The following ARHGAP39 variants were observed in gnomAD, a reference collection of about 807,000 sequenced individuals.
The protein encoded by ARHGAP39 is Rho GTPase activating protein 39.
In ARHGAP39, 44 loss-of-function variants were observed where a neutral mutation model predicts 106.9. The observed-to-expected ratio is 0.41, with a 90% CI of 0.32 to 0.53. ARHGAP39 has a LOEUF of 0.53. Ranked by LOEUF, ARHGAP39 falls within the 20% of genes least tolerant of loss-of-function variation. ARHGAP39 has a pLI of 0.21. For missense variants in ARHGAP39, 1,496 were observed against 1,577.3 expected, an observed-to-expected ratio of 0.95 and a Z score of 0.87; for synonymous variants, 768 against 693.2, an observed-to-expected ratio of 1.11 and a Z score of -1.69.
intron 1 of ARHGAP39, among the ~76,000 whole-genome samples, chr8:144,649,269 C>CA (rs1158200054): frequency 1.3e-5 from 2 of 151,614 alleles, no homozygotes; most frequent in Non-Finnish European, 2.9e-5. Flanking sequence ...AGTGAAACCC[C>CA]ATCTCTACTA....
intron 6 of ARHGAP39, among the ~76,000 whole-genome samples, chr8:144,542,296 G>A (rs1483813961): frequency 2.0e-5 from 3 of 152,216 alleles, no homozygotes; most frequent in African/African-American, 7.2e-5. Flanking sequence ...GAGCACCCAT[G>A]AGACAAGGCT....
At chr8:144,653,166 T>G (rs888781747) in intron 1 of ARHGAP39, among the ~76,000 whole-genome samples, 14 of 152,040 alleles carry the variant, frequency 9.2e-5, no homozygotes. Context: ...CGTGGTGGCA[T>G]GTGCCTGTAA....
chr8:144,570,609 T>C (rs919840085), intron 3 of ARHGAP39, among the ~76,000 whole-genome samples: 1 of 152,062 alleles, frequency 6.6e-6, no homozygotes, highest in African/African-American at 2.4e-5. Flanking sequence ...GAAGTGGAAA[T>C]TGACAGATTT....
At chr8:144,589,859 T>C (rs1481747829) in intron 2 of ARHGAP39, among the ~76,000 whole-genome samples, 3 of 152,128 alleles carry the variant, frequency 2.0e-5, no homozygotes, top group African/African-American at 4.8e-5. Context: ...CCAGAAGCCT[T>C]AGGACAAGGG....
chr8:144,562,044 TTACTCCAGTGGTTTCCATC>T (rs1818195658), intron 3 of ARHGAP39, among the ~76,000 whole-genome samples: 1 of 133,974 alleles, frequency 7.5e-6, no homozygotes, highest in African/African-American at 3.4e-5. Flanking sequence ...TCCATCGGAC[TTACTCCAGTGGTTTCCATC>T]GGACTTACTC....
rs1822570730 is a variant in ARHGAP39, at chr8:144,685,667, C to T, written c.-82+19G>A. Among the ~76,000 whole-genome samples, 1 of 148,416 alleles carries T rather than the reference C, an allele frequency of 6.7e-6. No homozygotes were observed. Among genetic ancestry groups the T allele is most frequent in the East Asian group, 2.0e-4 (1 of 5,110 alleles). On this transcript the variant is annotated intron_variant, in intron 1 of 11. Transcript: ENST00000377307. ...CTTCTTGGCCCGCGCCGCCCACCGCCCGTTGCCCGCGCTCTCACCGGCCGG... is the reference window on the plus strand; with the variant it reads ...CTTCTTGGCCCGCGCCGCCCACCGCTCGTTGCCCGCGCTCTCACCGGCCGG...
At chr8:144,698,911 T>C in the ARHGAP39 span, 17 of 455,364 alleles carry the variant, frequency 3.7e-5, no homozygotes, top group Non-Finnish European at 1.8e-5. Context: ...GGGTCCAAGA[T>C]GTGAATAAAC....
chr8:144,556,490 C>A (rs1817925044), intron 3 of ARHGAP39, among the ~76,000 whole-genome samples: 1 of 152,172 alleles, frequency 6.6e-6, no homozygotes, highest in Non-Finnish European at 1.5e-5. Context: ...TTTACTTAAT[C>A]TGATTAAGAA....
At position 144,605,863 on chromosome 8, in the gene ARHGAP39, T is replaced by C. The variant is rs1820271714; in HGVS notation, c.-81-168A>G. On this transcript the variant is annotated intron_variant, in intron 1 of 11. Transcript: ENST00000377307. Reference sequence around the variant, plus strand: ...CCCACTCCTCAGTGCTCCTGATGCCTGGCCCTGCGTTGCAGCGAAGCCTGG... The same window carrying C: ...CCCACTCCTCAGTGCTCCTGATGCCCGGCCCTGCGTTGCAGCGAAGCCTGG... 9.2e-6 allele frequency: 5 copies of C among 541,586 alleles called. No individual in the cohort carries two copies. The South Asian group carries it at 1.1e-4, about 12-fold the overall frequency. 33.5% of individuals were successfully genotyped at this position (541,586 alleles called of 1,614,324 possible).
At chr8:144,633,187 A>G (rs906775444) in intron 1 of ARHGAP39, among the ~76,000 whole-genome samples, 3 of 151,852 alleles carry the variant, frequency 2.0e-5, no homozygotes, top group African/African-American at 7.3e-5. Context: ...GGCCAGGCGC[A>G]GTGGCTCACG....
At chr8:144,621,648 C>A (rs1820810637) in intron 1 of ARHGAP39, among the ~76,000 whole-genome samples, 1 of 152,142 alleles carries the variant, frequency 6.6e-6, no homozygotes, top group South Asian at 2.1e-4. Context: ...GAAACCCCAT[C>A]TCTACGAAAA....
chr8:144,630,996 C>T (rs1029695713), intron 1 of ARHGAP39, among the ~76,000 whole-genome samples: 2 of 152,242 alleles, frequency 1.3e-5, no homozygotes, highest in Middle Eastern at 3.2e-3. Flanking sequence ...CCTTGGCTTC[C>T]GGGGAGGCCT....
chr8:144,565,415 G>A lies in ARHGAP39; in HGVS notation c.513-9772C>T, dbSNP rs577835706. On this transcript the variant is annotated intron_variant, in intron 3 of 11. Coordinates refer to ENST00000377307, the MANE Select transcript of ARHGAP39 (RefSeq NM_025251.3). ...GAAAAAAGAGAAAGTGGGACTGAGTGCAGTGGTTCATGCCCGTAATTCCAG... is the reference window on the plus strand; with the variant it reads ...GAAAAAAGAGAAAGTGGGACTGAGTACAGTGGTTCATGCCCGTAATTCCAG... Among the ~76,000 whole-genome samples the A allele has an allele frequency of 1.2e-4, 19 of 152,356 alleles. No homozygotes were observed. The South Asian group carries it at 3.9e-3, about 32-fold the overall frequency.
At chr8:144,605,289 G>A (rs959205247) in intron 2 of ARHGAP39, among the ~76,000 whole-genome samples, 2 of 152,100 alleles carry the variant, frequency 1.3e-5, no homozygotes, top group Non-Finnish European at 2.9e-5. Context: ...GAATAAATTA[G>A]AAAATCAAAA....
chr8:144,654,667 T>C (rs1821653274), intron 1 of ARHGAP39, among the ~76,000 whole-genome samples: 2 of 149,048 alleles, frequency 1.3e-5, no homozygotes, highest in South Asian at 2.1e-4. Context: ...CCCTTCTGAG[T>C]TGGGGCAGAA....
rs1243780533 is a variant in ARHGAP39, at chr8:144,608,181, A to AAAT, written c.-81-2487_-81-2486insATT. ...CAAAAAAAAAAAAAAAAAAAAAAAA[A>AAAT]GGAAAAAGAAGAAGAAATGAAACTC... On this transcript the variant is annotated intron_variant, in intron 1 of 11. Coordinates refer to ENST00000377307, the MANE Select transcript of ARHGAP39 (RefSeq NM_025251.3). 2.3e-4 allele frequency among the ~76,000 whole-genome samples: 34 copies of AAAT among 146,390 alleles called. 1 individual carries two copies. The highest frequency in any genetic ancestry group is 7.9e-4 in the African/African-American group (31 of 39,218).
At chr8:144,538,954 G>A (rs528158384) in intron 6 of ARHGAP39, among the ~76,000 whole-genome samples, 13 of 144,196 alleles carry the variant, frequency 9.0e-5, no homozygotes, top group African/African-American at 2.9e-4. Flanking sequence ...CTTGGCCACT[G>A]GGAACTCCTT....
rs1819199562 is a variant in ARHGAP39, at chr8:144,586,808, GC to G, written c.81-5532del. Among the ~76,000 whole-genome samples the G allele has an allele frequency of 6.6e-6, 1 of 152,196 alleles. No homozygotes were observed. The highest frequency in any genetic ancestry group is 1.5e-5 in the Non-Finnish European group (1 of 68,028). On this transcript the variant is annotated intron_variant, in intron 2 of 11. Transcript: ENST00000377307. This position sits in a 1 kb window ranked among gnomAD's most constrained non-coding sequence, Gnocchi z 4.2. ...GCCTGGGCTGCTGTCGGTCTGCTCTGCAGGACAGCAGCCATCAGCAACCCTA... is the reference window on the plus strand; with the variant it reads ...GCCTGGGCTGCTGTCGGTCTGCTCTGAGGACAGCAGCCATCAGCAACCCTA...
At chr8:144,630,529 CCT>C (rs1180377822) in intron 1 of ARHGAP39, among the ~76,000 whole-genome samples, 4 of 152,236 alleles carry the variant, frequency 2.6e-5, no homozygotes, top group African/African-American at 4.8e-5. Context: ...CATGGTGTCC[CCT>C]CTGTCCTTTT....
Sources: allele counts gnomAD v4.1 joint callset (sites outside exome capture counted in the v4.1 genomes callset), GRCh38; gene constraint gnomAD v4.1.1; non-coding constraint Gnocchi (gnomAD v3.1); transcripts MANE v1.5; gene names NCBI Gene and HGNC (gene_info 2026-07-23, HGNC 2026-07-21).